Variants in ZFYVE16 observed in about 807,000 individuals in gnomAD.
ZFYVE16 encodes zinc finger FYVE-type containing 16.
ZFYVE16 carries 89 observed loss-of-function variants against 138.1 expected under a neutral mutation model. The ratio of observed to expected loss-of-function variants is 0.64; its 90% CI spans 0.54 to 0.77. ZFYVE16 has a LOEUF of 0.77. Ranked by LOEUF, ZFYVE16 falls within the 30% of genes least tolerant of loss-of-function variation. The probability of loss-of-function intolerance (pLI) is 0.00; values close to 1 mark genes in which losing one functional copy is unlikely to be tolerated. For synonymous variants in ZFYVE16, 596 were observed against 618.3 expected, an observed-to-expected ratio of 0.96 and a Z score of 0.53; for missense variants, 1,793 against 1,786.7, an observed-to-expected ratio of 1.00 and a Z score of -0.06.
intron 5 of ZFYVE16, among the ~76,000 whole-genome samples, chr5:80,442,888 C>G (rs568976228): frequency 6.6e-6 from 1 of 152,296 alleles, no homozygotes; most frequent in Non-Finnish European, 1.5e-5. Flanking sequence ...CAAACATACA[C>G]CAGATATAAT....
At chr5:80,470,616 T>C (rs1047681180) in intron 15 of ZFYVE16, among the ~76,000 whole-genome samples, 1 of 151,936 alleles carries the variant, frequency 6.6e-6, no homozygotes, top group Non-Finnish European at 1.5e-5. Flanking sequence ...GGCTAAGTGA[T>C]CCTCCTGCAT....
chr5:80,420,455 A>C (rs1370072123), intron 1 of ZFYVE16, among the ~76,000 whole-genome samples: 4 of 151,906 alleles, frequency 2.6e-5, no homozygotes, highest in Admixed American at 6.6e-5. Context: ...ATCTCCCCAC[A>C]CCACGACAGG....
Position 80,438,702 on chromosome 5 carries a change from A to G in ZFYVE16, c.2017A>G (p.Thr673Ala). 1 of 1,614,184 alleles carries G rather than the reference A, an allele frequency of 6.2e-7. No homozygotes were observed. Among genetic ancestry groups the G allele is most frequent in the Non-Finnish European group, 8.5e-7 (1 of 1,180,006 alleles). ...CCTGAATAAGCCAGATGTTCCAGAT[A>G]CAATAGAAAGTGAACCCAGCACAGC... is the stretch of plus-strand genomic sequence containing the variant. ...KDLNKPDVPD[T>A]IESEPSTADT... Residue 673 changes from threonine to alanine, a missense_variant, in exon 4 of 19, where the codon ACA becomes GCA. Physicochemically the swap from Thr to Ala is moderately conservative, Grantham distance 58. Transcript: ENST00000505560.
chr5:80,482,404 C>T lies in ZFYVE16; in HGVS notation c.*5027C>T, dbSNP rs1755304366. 6.6e-6 allele frequency: 1 copy of T among 152,002 alleles called. No individual in the cohort carries two copies. The highest frequency in any genetic ancestry group is 2.4e-5 in the African/African-American group (1 of 41,378). 9.4% of individuals were successfully genotyped at this position (152,002 alleles called of 1,614,324 possible). ...GAAAAAAGTGAAAAAAATGAGAAGA[C>T]CTTTGGGGATCTGTGGGACAATATG... On this transcript the variant is annotated 3_prime_UTR_variant, in exon 19 of 19. Coordinates refer to ENST00000505560, the MANE Select transcript of ZFYVE16 (RefSeq NM_001284236.3).
At chr5:80,452,096 G>T in intron 11 of ZFYVE16, 1 of 164,642 alleles carries the variant, frequency 6.1e-6, no homozygotes, top group Admixed American at 6.2e-5. Context: ...TTCAAAATCT[G>T]AAATGCTCCA....
At chr5:80,452,864 G>T (rs1204971858) in intron 11 of ZFYVE16, among the ~76,000 whole-genome samples, 1 of 152,110 alleles carries the variant, frequency 6.6e-6, no homozygotes, top group Non-Finnish European at 1.5e-5. Context: ...GACACAACTG[G>T]TGATTCTAAA....
At chr5:80,442,684 T>C (rs972694233) in intron 5 of ZFYVE16, among the ~76,000 whole-genome samples, 1 of 152,204 alleles carries the variant, frequency 6.6e-6, no homozygotes, top group Non-Finnish European at 1.5e-5. Context: ...GGATGAATTA[T>C]GTTGGGTCTT....
At chr5:80,463,527 A>G (rs1286425224) in intron 15 of ZFYVE16, among the ~76,000 whole-genome samples, 2 of 151,732 alleles carry the variant, frequency 1.3e-5, no homozygotes, top group African/African-American at 4.9e-5. Flanking sequence ...ACTGTTGTGA[A>G]GGTCTCTGGT....
intron 1 of ZFYVE16, among the ~76,000 whole-genome samples, chr5:80,426,201 G>T (rs1007048675): frequency 7.2e-6 from 1 of 139,644 alleles, no homozygotes; most frequent in African/African-American, 2.8e-5. Flanking sequence ...GTGTGTGTGT[G>T]GTGTGTGTGT....
chr5:80,438,532 C>T lies in ZFYVE16; in HGVS notation c.1847C>T (p.Thr616Ile). 6.2e-7 allele frequency: 1 copy of T among 1,613,946 alleles called. No homozygotes were observed. The highest frequency in any genetic ancestry group is 8.5e-7 in the Non-Finnish European group (1 of 1,179,934). ...ENGLSLGEKS[T>I]IPVQQGLPTS... Reference sequence around the variant, plus strand: ...GGCCTTTCTTTAGGAGAAAAAAGCACTATTCCAGTTCAACAAGGGTTACCT... The same window carrying T: ...GGCCTTTCTTTAGGAGAAAAAAGCATTATTCCAGTTCAACAAGGGTTACCT... The change falls in exon 4 of 19, where the codon ACT becomes ATT. Residue 616 changes from threonine to isoleucine, a missense_variant. Physicochemically the swap from Thr to Ile is moderately conservative, Grantham distance 89. Around this residue, in one of 2 missense-constraint regions of ZFYVE16, gnomAD observed 1,295 missense variants for 1,204.3 expected, o/e 1.08. Coordinates refer to ENST00000505560, the MANE Select transcript of ZFYVE16 (RefSeq NM_001284236.3).
At chr5:80,446,899 AT>A (rs1282496895) in intron 7 of ZFYVE16, among the ~76,000 whole-genome samples, 1 of 152,182 alleles carries the variant, frequency 6.6e-6, no homozygotes, top group Non-Finnish European at 1.5e-5. Context: ...TGTTTTATGC[AT>A]TAAATAGATT....
chr5:80,458,020 C>T (rs959476891), intron 14 of ZFYVE16, among the ~76,000 whole-genome samples: 2 of 123,006 alleles, frequency 1.6e-5, no homozygotes, highest in Non-Finnish European at 3.2e-5. Context: ...AGAAACAGAG[C>T]GAGACTACGT....
intron 15 of ZFYVE16, among the ~76,000 whole-genome samples, chr5:80,459,864 G>A (rs1279603257): frequency 6.6e-6 from 1 of 152,100 alleles, no homozygotes. Flanking sequence ...CTTTATGCAT[G>A]TTGTTTCTTA....
rs1361351813 is a variant in ZFYVE16, at chr5:80,478,806, C to T, written c.*1429C>T. 2 of 151,992 alleles carry T rather than the reference C, an allele frequency of 1.3e-5. No homozygotes were observed. Among genetic ancestry groups the T allele is most frequent in the Non-Finnish European group, 2.9e-5 (2 of 67,966 alleles). The allele number at this position is 151,992 out of a possible 1,614,324, so 9.4% of individuals were successfully genotyped here. ...CTGAATCACATCTGTAGTACTTAGC[C>T]AAAGACAATTTGGAGGAGAATATCA... On this transcript the variant is annotated 3_prime_UTR_variant, in exon 19 of 19. Coordinates refer to ENST00000505560, the MANE Select transcript of ZFYVE16 (RefSeq NM_001284236.3).
rs1320070425 is a variant in ZFYVE16 at position 80,477,745 on chromosome 5, T to C, written c.*368T>C. ...AAGGCTCTTTTCAGATGTAACCTTA[T>C]GAAGGAAATATCTGCTTTGTGTATA... is the stretch of plus-strand genomic sequence containing the variant. On this transcript the variant is annotated 3_prime_UTR_variant, in exon 19 of 19. Transcript: ENST00000505560. 3 of 156,978 alleles carry C rather than the reference T, an allele frequency of 1.9e-5. No individual in the cohort carries two copies. The highest frequency in any genetic ancestry group is 7.2e-5 in the African/African-American group (3 of 41,586). 9.7% of individuals were successfully genotyped at this position (156,978 alleles called of 1,614,324 possible). A position where few individuals can be genotyped will look rare whatever the true frequency, so the allele number is the denominator to read the frequency against.
Position 80,436,954 on chromosome 5 carries a change from C to G in ZFYVE16, c.269C>G (p.Ser90Cys). The change falls in exon 4 of 19, where the codon TCT (serine) becomes TGT (cysteine). Residue 90 changes from serine (S) to cysteine (C), a missense_variant. Ser to Cys is a moderately radical substitution (Grantham distance 112). Around this residue, in one of 2 missense-constraint regions of ZFYVE16, gnomAD observed 1,295 missense variants for 1,204.3 expected, o/e 1.08. Coordinates refer to ENST00000505560, the MANE Select transcript of ZFYVE16 (RefSeq NM_001284236.3). Reference protein sequence around the residue: ...LNEKTLKGLTSIQNEKNVTGL... With the variant: ...LNEKTLKGLTCIQNEKNVTGL... Reference sequence around the variant, plus strand: ...GAAAAAACACTCAAGGGACTTACTTCTATACAAAATGAAAAAAATGTAACA... The same window carrying G: ...GAAAAAACACTCAAGGGACTTACTTGTATACAAAATGAAAAAAATGTAACA... The G allele has an allele frequency of 6.2e-7, 1 of 1,614,060 alleles. No homozygotes were observed. Among genetic ancestry groups the G allele is most frequent in the Non-Finnish European group, 8.5e-7 (1 of 1,180,000 alleles).
At chr5:80,470,919 A>C (rs964448158) in intron 15 of ZFYVE16, among the ~76,000 whole-genome samples, 1 of 130,274 alleles carries the variant, frequency 7.7e-6, no homozygotes, top group African/African-American at 2.6e-5. Context: ...TGTAAATACA[A>C]AATTGCATGC....
Position 80,438,257 on chromosome 5 carries a change from T to G in ZFYVE16, c.1572T>G (p.Ser524Arg). The G allele has an allele frequency of 5.0e-6, 8 of 1,614,042 alleles. No individual in the cohort carries two copies. Among genetic ancestry groups the G allele is most frequent in the Non-Finnish European group, 5.9e-6 (7 of 1,179,964 alleles). ...DYFNIDEGAK[S>R]GPLISDAELD... is the part of the protein sequence containing the mutation. The stretch of plus-strand genomic sequence containing the variant: ...TTAATATTGATGAAGGCGCAAAAAG[T>G]GGCCCACTAATTAGTGATGCTGAAC... Residue 524 changes from serine to arginine, a missense_variant, in exon 4 of 19, where the codon AGT (serine) becomes AGG (arginine). By Grantham distance (110) the Ser-to-Arg change is moderately radical. Coordinates refer to ENST00000505560, the MANE Select transcript of ZFYVE16 (RefSeq NM_001284236.3).
At position 80,432,852 on chromosome 5, in the gene ZFYVE16, C is replaced by T. The variant is rs547651535; in HGVS notation, c.-39-1257C>T. Among the ~76,000 whole-genome samples, 5 of 152,308 alleles carry T rather than the reference C, an allele frequency of 3.3e-5. No individual in the cohort carries two copies. The South Asian group carries it at 1.0e-3, about 32-fold the overall frequency. The stretch of plus-strand genomic sequence containing the variant: ...AAACACATGAAAAAATGCTCATCAT[C>T]ACTGGCCATCAGAGAAATGCAGATC... On this transcript the variant is annotated intron_variant, in intron 2 of 18. Coordinates refer to ENST00000505560, the MANE Select transcript of ZFYVE16 (RefSeq NM_001284236.3).
Sources: allele counts gnomAD v4.1 joint callset (sites outside exome capture counted in the v4.1 genomes callset), GRCh38; gene constraint gnomAD v4.1.1; regional missense constraint gnomAD v4.1.1; transcripts MANE v1.5; gene names NCBI Gene and HGNC (gene_info 2026-07-23, HGNC 2026-07-21).